The following ANKS1B variants were observed in gnomAD, a reference collection of about 807,000 sequenced individuals.
ANKS1B encodes ankyrin repeat and sterile alpha motif domain containing 1B.
ANKS1B carries 36 observed loss-of-function variants against 148.3 expected under a neutral mutation model. That is an observed-to-expected ratio of 0.24 (90% CI 0.19 to 0.32). ANKS1B has a LOEUF of 0.32. Ranked by LOEUF, ANKS1B falls within the 10% of genes least tolerant of loss-of-function variation. The pLI, the probability that ANKS1B is intolerant of heterozygous loss-of-function variation, is 1.00. For synonymous variants in ANKS1B, 542 were observed against 560.8 expected (o/e 0.97, Z 0.47); for missense variants, 1,157 against 1,542.6 (o/e 0.75, Z 4.19).
Position 98,798,285 on chromosome 12 carries a change from C to A in ANKS1B, c.3342+649G>T, listed in dbSNP as rs142804841. 7.2e-5 allele frequency among the ~76,000 whole-genome samples: 11 copies of A among 152,094 alleles called. No homozygotes were observed. In the East Asian group the frequency reaches 2.1e-3, roughly 29 times the overall value. On this transcript the variant is annotated intron_variant, in intron 22 of 26. Transcript: ENST00000683438. ...TACAGGTGCATGCCACCATGCCTGGCTAATTTTTGTATTTTTAGTAAGAGG... is the reference window on the plus strand; with the variant it reads ...TACAGGTGCATGCCACCATGCCTGGATAATTTTTGTATTTTTAGTAAGAGG...
intron 19 of ANKS1B, among the ~76,000 whole-genome samples, chr12:98,812,426 G>A (rs560093178): frequency 5.9e-5 from 9 of 152,136 alleles, no homozygotes; most frequent in Admixed American, 2.0e-4. Flanking sequence ...ACACTATGAC[G>A]TTTGCATGAC....
intron 10 of ANKS1B, among the ~76,000 whole-genome samples, chr12:99,500,949 C>A (rs2096649706): frequency 6.6e-6 from 1 of 152,092 alleles, no homozygotes; most frequent in African/African-American, 2.4e-5. Flanking sequence ...GTGCAACATT[C>A]TGAAAAATTT....
intron 12 of ANKS1B, among the ~76,000 whole-genome samples, chr12:99,309,156 A>G (rs980153746): frequency 2.6e-5 from 4 of 151,708 alleles, no homozygotes; most frequent in Admixed American, 2.6e-4. Context: ...TTCAACCATT[A>G]TGCCTTGTAT....
intron 10 of ANKS1B, among the ~76,000 whole-genome samples, chr12:99,470,458 A>G (rs772252339): frequency 3.2e-4 from 49 of 152,256 alleles, no homozygotes; most frequent in Non-Finnish European, 5.6e-4. Context: ...TCACACTTCA[A>G]TCTAAATGAA....
chr12:99,652,470 C>A (rs988058514), intron 9 of ANKS1B, among the ~76,000 whole-genome samples: 2 of 150,284 alleles, frequency 1.3e-5, no homozygotes, highest in Non-Finnish European at 3.0e-5. Context: ...GAGACTCCAT[C>A]TGAAAAAAAA....
At chr12:99,440,554 A>G (rs891264984) in intron 11 of ANKS1B, among the ~76,000 whole-genome samples, 5 of 151,856 alleles carry the variant, frequency 3.3e-5, no homozygotes, top group Non-Finnish European at 7.4e-5. Context: ...TTCACAATCT[A>G]GAGGATTTTA....
At chr12:98,855,881 G>A (rs1044893078) in intron 17 of ANKS1B, among the ~76,000 whole-genome samples, 5 of 151,882 alleles carry the variant, frequency 3.3e-5, no homozygotes, top group African/African-American at 1.2e-4. Context: ...TTAGTCTGTT[G>A]TTTGGGATCC....
At chr12:99,928,271 A>ATTTTTTTTTTTTTTTTTTTT (rs763106581) in intron 1 of ANKS1B, among the ~76,000 whole-genome samples, 2 of 99,068 alleles carry the variant, frequency 2.0e-5, no homozygotes, top group African/African-American at 4.1e-5. Flanking sequence ...ATTTTATTTT[A>ATTTTTTTTTTTTTTTTTTTT]TTTTTTTTTT....
chr12:99,395,962 G>A (rs2094229035), intron 12 of ANKS1B, among the ~76,000 whole-genome samples: 1 of 152,114 alleles, frequency 6.6e-6, no homozygotes, highest in South Asian at 2.1e-4. Flanking sequence ...GAAAAGGTCA[G>A]CTATCTCGGC....
At chr12:99,937,891 C>A (rs1237552797) in intron 1 of ANKS1B, among the ~76,000 whole-genome samples, 1 of 152,034 alleles carries the variant, frequency 6.6e-6, no homozygotes, top group Non-Finnish European at 1.5e-5. Flanking sequence ...ATGAATCCTG[C>A]CCTCAAGTTA....
Position 99,774,412 on chromosome 12 carries a change from T to G in ANKS1B, c.961+1136A>C, listed in dbSNP as rs1013403894. The stretch of plus-strand genomic sequence containing the variant: ...AATATCACTAATAATCAGGCAAATG[T>G]AAATGAAAGCCACAATGGGGTATCA... On this transcript the variant is annotated intron_variant, in intron 7 of 26. Transcript: ENST00000683438. 7.2e-5 allele frequency among the ~76,000 whole-genome samples: 11 copies of G among 152,162 alleles called. No individual in the cohort carries two copies. The South Asian group carries it at 2.3e-3, about 32-fold the overall frequency.
chr12:99,647,851 T>C (rs2098386565), intron 9 of ANKS1B: 1 of 322,370 alleles, frequency 3.1e-6, no homozygotes, highest in Non-Finnish European at 5.8e-6. Context: ...AATATCAGGC[T>C]CAAATGGAGG....
At chr12:99,484,752 G>A (rs2096463550) in intron 10 of ANKS1B, among the ~76,000 whole-genome samples, 1 of 121,472 alleles carries the variant, frequency 8.2e-6, no homozygotes, top group South Asian at 2.8e-4. Flanking sequence ...CCGTCTTTGT[G>A]TGTGTGTGTG....
chr12:99,956,838 T>C (rs7313123), intron 1 of ANKS1B, among the ~76,000 whole-genome samples: 11,364 of 152,244 alleles, frequency 0.075, 473 homozygotes, highest in South Asian at 0.1. Flanking sequence ...AGTATAAAAA[T>C]TCCAATTACC....
At chr12:99,096,671 A>G (rs1192698116) in intron 15 of ANKS1B, among the ~76,000 whole-genome samples, 1 of 152,202 alleles carries the variant, frequency 6.6e-6, no homozygotes, top group East Asian at 1.9e-4. Flanking sequence ...TTTGTATAGC[A>G]TCTATATCAT....
intron 9 of ANKS1B, among the ~76,000 whole-genome samples, chr12:99,604,815 C>CA (rs150262116): frequency 0.37 from 29,671 of 80,664 alleles, 3,755 homozygotes; most frequent in Admixed American, 0.42. Context: ...AACTCTATCT[C>CA]AAAAAAAAAA....
chr12:99,647,627 G>C (rs992452336), intron 9 of ANKS1B: 1 of 156,814 alleles, frequency 6.4e-6, no homozygotes, highest in African/African-American at 2.4e-5. Context: ...GCTGAGGGTG[G>C]GGTGGAGAGG....
chr12:99,355,358 C>A (rs1423856316), intron 12 of ANKS1B, among the ~76,000 whole-genome samples: 1 of 152,098 alleles, frequency 6.6e-6, no homozygotes, highest in Non-Finnish European at 1.5e-5. Flanking sequence ...TTCAGATCTG[C>A]AATTTGAAGT....
At chr12:99,109,607 A>T (rs758018901) in intron 15 of ANKS1B, among the ~76,000 whole-genome samples, 10 of 152,212 alleles carry the variant, frequency 6.6e-5, no homozygotes, top group Non-Finnish European at 1.2e-4. Flanking sequence ...TTCAAAATAC[A>T]TATAAGTGAT....
Sources: allele counts gnomAD v4.1 joint callset (sites outside exome capture counted in the v4.1 genomes callset), GRCh38; gene constraint gnomAD v4.1.1; transcripts MANE v1.5; gene names NCBI Gene and HGNC (gene_info 2026-07-23, HGNC 2026-07-21).